NOS1: variants seen among roughly 807,000 people sequenced by gnomAD.
NOS1 encodes NOS type I.
Under a neutral mutation model 164.5 loss-of-function variants are expected in NOS1, and 51 were observed. The ratio of observed to expected loss-of-function variants is 0.31; its 90% CI spans 0.25 to 0.39. The LOEUF is 0.39. Ranked by LOEUF, NOS1 falls within the 10% of genes least tolerant of loss-of-function variation. The pLI is 1.00. For missense variants in NOS1, 1,362 were observed against 1,885.6 expected, an observed-to-expected ratio of 0.72 and a Z score of 5.14; for synonymous variants, 719 against 745.8, an observed-to-expected ratio of 0.96 and a Z score of 0.59.
intron 10 of NOS1, among the ~76,000 whole-genome samples, chr12:117,270,028 A>G (rs1173210425): frequency 6.6e-6 from 1 of 152,218 alleles, no homozygotes; most frequent in Non-Finnish European, 1.5e-5. Context: ...CTAACGTCTA[A>G]GACCTTGGAG....
Position 117,278,059 on chromosome 12 carries a change from A to T in NOS1, c.1564T>A (p.Phe522Ile). The part of the protein sequence containing the change: ...QQGWKPPRGR[F>I]DVLPLLLQAN... ...TGAAGCAGGAGCGGCAGGACATCGA[A>T]GCGGCCTCTAGGCGGTTTCCAGCCC... Residue 522 changes from phenylalanine (F) to isoleucine (I), a missense_variant, in exon 9 of 29, where the codon TTC becomes ATC. Phe to Ile is a conservative substitution (Grantham distance 21). This residue lies in a region of NOS1 where 134 missense variants were observed against 267.3 expected (regional missense o/e 0.50). Transcript: ENST00000317775. 1 of 1,614,002 alleles carries T rather than the reference A, an allele frequency of 6.2e-7. No homozygotes were observed. Among genetic ancestry groups the T allele is most frequent in the Non-Finnish European group, 8.5e-7 (1 of 1,179,948 alleles).
chr12:117,285,229 T>G lies in NOS1; in HGVS notation c.1382+12A>C, dbSNP rs1229966854. 1.2e-6 allele frequency: 2 copies of G among 1,602,330 alleles called. No individual in the cohort carries two copies. The highest frequency in any genetic ancestry group is 1.7e-6 in the Non-Finnish European group (2 of 1,170,422). ...GACCTCCTGCTCCCCAGTGCCCAGC[T>G]GGTCAGCTCACCTGAGGTTCCCTTT... On this transcript the variant is annotated intron_variant, in intron 7 of 28. Transcript: ENST00000317775.
At chr12:117,307,790 G>A (rs1283919385) in intron 3 of NOS1, among the ~76,000 whole-genome samples, 1 of 152,188 alleles carries the variant, frequency 6.6e-6, no homozygotes, top group South Asian at 2.1e-4. Flanking sequence ...GCTGAGGCAG[G>A]TGGATCACCT....
chr12:117,235,528 A>C (rs112602066), intron 20 of NOS1, among the ~76,000 whole-genome samples: 24 of 152,278 alleles, frequency 1.6e-4, no homozygotes, highest in African/African-American at 5.5e-4. Flanking sequence ...ATGGTAAAGG[A>C]AAAAAGACTT....
intron 3 of NOS1, among the ~76,000 whole-genome samples, chr12:117,305,816 G>A (rs1171019686): frequency 2.0e-5 from 3 of 150,662 alleles, no homozygotes; most frequent in Non-Finnish European, 4.4e-5. Flanking sequence ...TCCTGAGGCG[G>A]AGTCTCACTC....
chr12:117,277,762 G>T (rs1381637415), intron 9 of NOS1, among the ~76,000 whole-genome samples, 197 bp downstream of exon 9: 1 of 152,146 alleles, frequency 6.6e-6, no homozygotes, highest in Non-Finnish European at 1.5e-5. Context: ...TGGTCCCCAG[G>T]CTGGTCAAAG....
chr12:117,323,133 G>A (rs569156124), intron 2 of NOS1, among the ~76,000 whole-genome samples: 128 of 152,224 alleles, frequency 8.4e-4, no homozygotes, highest in African/African-American at 2.4e-3. Flanking sequence ...AAGCCTGCCC[G>A]CCCACCAAGG....
chr12:117,269,074 G>C (rs1246358810), intron 10 of NOS1, among the ~76,000 whole-genome samples: 1 of 152,126 alleles, frequency 6.6e-6, no homozygotes, highest in East Asian at 1.9e-4. Context: ...TACAGTGGTA[G>C]GTACTAATTC....
At chr12:117,308,559 A>C (rs367727502) in intron 3 of NOS1, among the ~76,000 whole-genome samples, 101 of 151,172 alleles carry the variant, frequency 6.7e-4, no homozygotes, top group East Asian at 2.7e-3. Flanking sequence ...AACAAACAAA[A>C]AAAAAACAGC....
At chr12:117,329,930 C>T (rs868298015) in intron 2 of NOS1, among the ~76,000 whole-genome samples, 1 of 152,206 alleles carries the variant, frequency 6.6e-6, no homozygotes, top group African/African-American at 2.4e-5. Flanking sequence ...CCACACACCC[C>T]AGGGTGCCAC....
At chr12:117,328,470 T>G (rs1875365420) in intron 2 of NOS1, among the ~76,000 whole-genome samples, 1 of 152,168 alleles carries the variant, frequency 6.6e-6, no homozygotes, top group Non-Finnish European at 1.5e-5. Context: ...TGCCTGGCGG[T>G]ATTTAAATGT....
intron 18 of NOS1, among the ~76,000 whole-genome samples, chr12:117,245,323 A>T (rs1870535900): frequency 6.6e-6 from 1 of 152,146 alleles, no homozygotes. Context: ...TTATCCTCAT[A>T]TGCAGACAGA....
rs1457555272 is a variant in NOS1, at chr12:117,247,497, G to T, written c.2674C>A (p.Arg892=). ...AAGGCGCAAAAGTGAGGGTATGCTC[G>T]TGAGCCGAGGCCAAAAACTGAGAAC... ...VRFSVFGLGS[R]AYPHFCAFGH... The change falls in exon 18 of 29, where the codon CGA becomes AGA. Residue 892 remains arginine (R), a synonymous_variant. Transcript: ENST00000317775. The T allele has an allele frequency of 2.5e-6, 4 of 1,610,886 alleles. No homozygotes were observed. The East Asian group carries it at 6.7e-5, about 27-fold the overall frequency.
chr12:117,316,256 T>G (rs1388733946), intron 2 of NOS1, among the ~76,000 whole-genome samples: 2 of 151,968 alleles, frequency 1.3e-5, no homozygotes, highest in Non-Finnish European at 2.9e-5. Context: ...GGGGCACACG[T>G]GGGGAAGTCT....
chr12:117,286,601 A>G (rs9658351), intron 5 of NOS1, among the ~76,000 whole-genome samples: 64,821 of 151,940 alleles, frequency 0.43, 14,071 homozygotes, highest in Admixed American at 0.52. Flanking sequence ...CTTTCCAGAG[A>G]AACTGGAAAT....
Position 117,333,141 on chromosome 12 carries a change from A to G in NOS1, c.-420-1652T>C, listed in dbSNP as rs1875630158. Among the ~76,000 whole-genome samples, 4 of 152,318 alleles carry G rather than the reference A, an allele frequency of 2.6e-5. No homozygotes were observed. The Middle Eastern group carries it at 0.01, about 389-fold the overall frequency. On this transcript the variant is annotated intron_variant, in intron 1 of 28. Coordinates refer to ENST00000317775, the MANE Select transcript of NOS1 (RefSeq NM_000620.5). ...ATCTGTGGGTGTGGGTAGGGTGGGA[A>G]GTAGCCGCCCGTCCCTACTTGTAAT...
Position 117,226,688 on chromosome 12 carries a change from C to A in NOS1, c.3699G>T (p.Val1233=), listed in dbSNP as rs556029113. 9.5e-5 allele frequency: 154 copies of A among 1,613,784 alleles called. No individual in the cohort carries two copies. The highest frequency in any genetic ancestry group is 1.3e-4 in the Non-Finnish European group (151 of 1,179,830). ...IQADELVPCF[V]RGAPSFHLPR... The stretch of plus-strand genomic sequence containing the variant: ...TTTCTCCACTTATTACTCACCCTCT[C>A]ACGAAACAGGGGACCAGTTCGTCAG... The change falls in exon 24 of 29, where the codon GTG becomes GTT. Residue 1233 remains valine (V), a synonymous_variant. Coordinates refer to ENST00000317775, the MANE Select transcript of NOS1 (RefSeq NM_000620.5).
Position 117,280,882 on chromosome 12 carries a change from G to C in NOS1, c.1383-16C>G, listed in dbSNP as rs1344896460. ...GATGGCAGACCTGTGGTGGAGAGAG[G>C]GGAACACCCGGCATCAGGGCGGGAC... On this transcript the variant is annotated splice_polypyrimidine_tract_variant and intron_variant, in intron 7 of 28. Coordinates refer to ENST00000317775, the MANE Select transcript of NOS1 (RefSeq NM_000620.5). 5.0e-6 allele frequency: 8 copies of C among 1,612,180 alleles called. No homozygotes were observed. The highest frequency in any genetic ancestry group is 1.1e-5 in the South Asian group (1 of 90,838).
chr12:117,231,869 T>C (rs1869262199), intron 22 of NOS1, 93 bp downstream of exon 22: 1 of 1,344,114 alleles, frequency 7.4e-7, no homozygotes, highest in South Asian at 1.4e-5. Flanking sequence ...AAGACTTCCA[T>C]CTGCTGGAAG....
Sources: allele counts gnomAD v4.1 joint callset (sites outside exome capture counted in the v4.1 genomes callset), GRCh38; gene constraint gnomAD v4.1.1; regional missense constraint gnomAD v4.1.1; transcripts MANE v1.5; gene names NCBI Gene and HGNC (gene_info 2026-07-23, HGNC 2026-07-21).